TRPM3: variants seen among roughly 807,000 people sequenced by gnomAD.
TRPM3 encodes the protein long transient receptor potential channel 3.
TRPM3 carries 77 observed loss-of-function variants against 181.2 expected under a neutral mutation model. The observed-to-expected ratio is 0.42, with a 90% CI of 0.35 to 0.51. TRPM3 has a LOEUF of 0.51. Among genes scored for constraint, TRPM3 ranks in the 20% least tolerant of loss-of-function variants. The pLI is 0.01. For synonymous variants in TRPM3, 745 were observed against 796.4 expected, an observed-to-expected ratio of 0.94 and a Z score of 1.09; for missense variants, 1,759 against 2,196.7, an observed-to-expected ratio of 0.80 and a Z score of 3.98.
chr9:70,934,737 A>C (rs2096809057), intron 1 of TRPM3, among the ~76,000 whole-genome samples: 1 of 152,160 alleles, frequency 6.6e-6, no homozygotes, highest in South Asian at 2.1e-4. Flanking sequence ...TAAAAGTTGA[A>C]TATCTTTGTT....
chr9:71,311,677 GA>G (rs911367649), intron 1 of TRPM3, among the ~76,000 whole-genome samples: 4 of 149,952 alleles, frequency 2.7e-5, no homozygotes, highest in Non-Finnish European at 3.0e-5. Context: ...GGATAACAAA[GA>G]AAAAAAAATC....
intron 11 of TRPM3, among the ~76,000 whole-genome samples, chr9:70,638,749 C>A (rs1420152428): frequency 1.3e-5 from 2 of 152,200 alleles, no homozygotes; most frequent in Non-Finnish European, 2.9e-5. Context: ...GCCTCTAACA[C>A]CCTCTGGGCT....
chr9:70,739,858 T>C lies in TRPM3; in HGVS notation c.1272+21743A>G, dbSNP rs577183611. 2.3e-4 allele frequency among the ~76,000 whole-genome samples: 35 copies of C among 152,256 alleles called. No individual in the cohort carries two copies. In the South Asian group the frequency reaches 6.4e-3, roughly 28 times the overall value. ...GTCTCGAACTACTGGCCTCAAGTGA[T>C]CTGCCCGTCTTGGCCTCCCAAAGTG... On this transcript the variant is annotated intron_variant, in intron 8 of 25. Coordinates refer to ENST00000677713, the MANE Select transcript of TRPM3 (RefSeq NM_001366145.2).
intron 1 of TRPM3, among the ~76,000 whole-genome samples, chr9:71,261,513 G>A (rs982410979): frequency 1.3e-5 from 2 of 152,120 alleles, no homozygotes; most frequent in Admixed American, 6.6e-5. Flanking sequence ...CCGTCAATTC[G>A]TCAAACTATT....
At chr9:70,691,455 A>G (rs1459804842) in intron 8 of TRPM3, among the ~76,000 whole-genome samples, 3 of 152,128 alleles carry the variant, frequency 2.0e-5, no homozygotes, top group Admixed American at 6.6e-5. Flanking sequence ...TAAGTAGGAG[A>G]TTGTCTTATA....
At chr9:71,420,185 G>A (rs1305253585) in intron 1 of TRPM3, among the ~76,000 whole-genome samples, 3 of 151,896 alleles carry the variant, frequency 2.0e-5, no homozygotes, top group East Asian at 1.9e-4. Flanking sequence ...ATCATGAGGT[G>A]CATGGTGGGG....
At chr9:71,320,894 A>T (rs1214537555) in intron 1 of TRPM3, among the ~76,000 whole-genome samples, 3 of 152,018 alleles carry the variant, frequency 2.0e-5, no homozygotes, top group African/African-American at 7.2e-5. Flanking sequence ...ATCTCAGTGA[A>T]TGATACATCC....
chr9:71,064,816 T>A (rs2061717134), intron 1 of TRPM3, among the ~76,000 whole-genome samples: 1 of 152,178 alleles, frequency 6.6e-6, no homozygotes, highest in African/African-American at 2.4e-5. Context: ...TTAGTTCAAT[T>A]GTAATAAAGT....
intron 1 of TRPM3, among the ~76,000 whole-genome samples, chr9:71,264,810 T>A (rs1002611543): frequency 2.6e-5 from 4 of 152,188 alleles, no homozygotes; most frequent in African/African-American, 9.7e-5. Context: ...TCATTGCTGC[T>A]GTCCTTTCTT....
At chr9:70,820,794 T>C (rs925434287) in intron 6 of TRPM3, among the ~76,000 whole-genome samples, 7 of 151,992 alleles carry the variant, frequency 4.6e-5, no homozygotes, top group African/African-American at 1.7e-4. Flanking sequence ...GATGGAGAAA[T>C]AAAGTCAAAT....
rs1483714998 is a variant in TRPM3 at position 71,080,203 on chromosome 9, T to TAAATAAATAAATAAATAAAATA, written c.177+40974_177+40975insTATTTTATTTATTTATTTATTT. Among the ~76,000 whole-genome samples the TAAATAAATAAATAAATAAAATA allele has an allele frequency of 2.6e-3, 395 of 149,990 alleles. 5 individuals are homozygous for TAAATAAATAAATAAATAAAATA. The highest frequency in any genetic ancestry group is 9.4e-3 in the African/African-American group (382 of 40,714). On this transcript the variant is annotated intron_variant, in intron 1 of 25. Coordinates refer to ENST00000677713, the MANE Select transcript of TRPM3 (RefSeq NM_001366145.2). Reference sequence around the variant, plus strand: ...ATAAATAAATAAATAAATAAATAAATAAATAAAATAAAAAGGGAGACTTTG... The same window carrying TAAATAAATAAATAAATAAAATA: ...ATAAATAAATAAATAAATAAATAAATAAATAAATAAATAAATAAAATAAAATAAAATAAAAAGGGAGACTTTG...
intron 8 of TRPM3, among the ~76,000 whole-genome samples, chr9:70,755,099 G>C (rs748145507): frequency 6.6e-6 from 1 of 151,984 alleles, no homozygotes; most frequent in African/African-American, 2.4e-5. Flanking sequence ...ATTTTTGCCC[G>C]GATGTGGAGA....
At chr9:71,413,217 G>A (rs1485101940) in intron 1 of TRPM3, among the ~76,000 whole-genome samples, 1 of 152,020 alleles carries the variant, frequency 6.6e-6, no homozygotes, top group African/African-American at 2.4e-5. Flanking sequence ...TGCATGTTGT[G>A]TACATATACC....
intron 1 of TRPM3, among the ~76,000 whole-genome samples, chr9:71,227,362 A>C (rs1002370673): frequency 1.3e-5 from 2 of 151,978 alleles, no homozygotes; most frequent in African/African-American, 2.4e-5. Context: ...AACTAAGAGG[A>C]AAGTTTATAG....
At chr9:71,367,261 A>C (rs2092365010) in intron 1 of TRPM3, among the ~76,000 whole-genome samples, 1 of 152,202 alleles carries the variant, frequency 6.6e-6, no homozygotes, top group South Asian at 2.1e-4. Flanking sequence ...CAAGACCATG[A>C]ATGCTCAAGA....
At chr9:71,017,529 T>C (rs967367139) in intron 1 of TRPM3, among the ~76,000 whole-genome samples, 2 of 151,802 alleles carry the variant, frequency 1.3e-5, no homozygotes, top group African/African-American at 4.8e-5. Context: ...ATGGAAAATA[T>C]ATTCCATACA....
chr9:70,908,432 G>A (rs1443907646), intron 1 of TRPM3, among the ~76,000 whole-genome samples: 1 of 152,198 alleles, frequency 6.6e-6, no homozygotes, highest in Non-Finnish European at 1.5e-5. Flanking sequence ...TATACATAAA[G>A]TTTTGAAAAC....
intron 9 of TRPM3, among the ~76,000 whole-genome samples, chr9:70,644,150 G>A (rs751413364): frequency 6.6e-5 from 10 of 152,166 alleles, no homozygotes; most frequent in Non-Finnish European, 1.5e-4. Context: ...AGGTAGCTAA[G>A]GTCAACCTCT....
intron 1 of TRPM3, among the ~76,000 whole-genome samples, chr9:71,188,214 C>T (rs1373150819): frequency 6.6e-6 from 1 of 151,850 alleles, no homozygotes; most frequent in Non-Finnish European, 1.5e-5. Flanking sequence ...TGAAAGACTG[C>T]ACCAATTTAT....
Sources: gnomAD v4.1 joint callset for allele counts (sites outside exome capture counted in the v4.1 genomes callset) on GRCh38, gnomAD v4.1.1 for gene constraint, MANE v1.5 for transcripts, NCBI Gene and HGNC (gene_info 2026-07-23, HGNC 2026-07-21) for gene names.